DENND5B: variants seen among roughly 807,000 people sequenced by gnomAD.
The protein encoded by DENND5B is DENN domain-containing protein 5B.
In DENND5B, 34 loss-of-function variants were observed where a neutral mutation model predicts 140.6. The observed-to-expected ratio is 0.24, with a 90% CI of 0.18 to 0.32. The LOEUF (loss-of-function observed/expected upper bound fraction) is 0.32. Among genes scored for constraint, DENND5B ranks in the 10% least tolerant of loss-of-function variants. The probability of loss-of-function intolerance (pLI) is 1.00; values close to 1 mark genes in which losing one functional copy is unlikely to be tolerated. For missense variants in DENND5B, 1,142 were observed against 1,560.2 expected (o/e 0.73, Z 4.52); for synonymous variants, 551 against 562.1 (o/e 0.98, Z 0.28).
chr12:31,561,514 T>C (rs1288574893), intron 1 of DENND5B, among the ~76,000 whole-genome samples: 1 of 152,142 alleles, frequency 6.6e-6, no homozygotes, highest in Non-Finnish European at 1.5e-5. Flanking sequence ...CAACAGTTCA[T>C]CTCTAGGAAA....
chr12:31,445,117 G>C (rs1944220034), intron 6 of DENND5B, among the ~76,000 whole-genome samples: 1 of 152,196 alleles, frequency 6.6e-6, no homozygotes, highest in Non-Finnish European at 1.5e-5. Flanking sequence ...CATTTGAAGG[G>C]AAAGAAATAA....
intron 1 of DENND5B, among the ~76,000 whole-genome samples, chr12:31,527,774 T>C (rs999061800): frequency 2.6e-5 from 4 of 151,612 alleles, no homozygotes; most frequent in African/African-American, 9.7e-5. Flanking sequence ...CAAGACTCCA[T>C]TTGGGGAAAA....
At chr12:31,474,178 C>A (rs1239219258) in intron 3 of DENND5B, among the ~76,000 whole-genome samples, 1 of 152,192 alleles carries the variant, frequency 6.6e-6, no homozygotes, top group Non-Finnish European at 1.5e-5. Flanking sequence ...ACTGCAAAGG[C>A]ACACAGGCAT....
intron 4 of DENND5B, among the ~76,000 whole-genome samples, chr12:31,458,111 T>C (rs1944865520): frequency 6.6e-6 from 1 of 151,804 alleles, no homozygotes; most frequent in Non-Finnish European, 1.5e-5. Context: ...GTTGATCTCA[T>C]TAATGAAAAA....
rs375001828 is a variant in DENND5B at position 31,495,823 on chromosome 12, T to C, written c.224A>G (p.Asp75Gly). 2 of 1,609,278 alleles carry C rather than the reference T, an allele frequency of 1.2e-6. No homozygotes were observed. The highest frequency in any genetic ancestry group is 1.7e-5 in the Admixed American group (1 of 59,144). Residue 75 changes from aspartate (D) to glycine (G), a missense_variant, in exon 2 of 21, where the codon GAT (aspartate) becomes GGT (glycine). Physicochemically the swap from Asp to Gly is moderately conservative, Grantham distance 94. This residue lies in a region of DENND5B where 708 missense variants were observed against 905.5 expected (regional missense o/e 0.78). Coordinates refer to ENST00000389082, the MANE Select transcript of DENND5B (RefSeq NM_144973.4). ...AAAAACACATACCATGTTCACCGCA[T>C]CTTGATCAAAAGGGTTCCATTCTAT... ...QNIEWNPFDQ[D>G]AVNMLCMPKG...
intron 1 of DENND5B, chr12:31,499,669 A>G: frequency 6.7e-6 from 10 of 1,484,844 alleles, no homozygotes; most frequent in Non-Finnish European, 8.9e-6. Context: ...CATTGGTACA[A>G]AACTACATAA....
At chr12:31,585,677 T>C (rs548168164) in intron 1 of DENND5B, among the ~76,000 whole-genome samples, 32 of 152,312 alleles carry the variant, frequency 2.1e-4, no homozygotes, top group African/African-American at 7.5e-4. Context: ...CTAAGGTCCC[T>C]TCAAGAACTA....
chr12:31,439,354 A>G (rs1295538615), intron 7 of DENND5B, among the ~76,000 whole-genome samples: 1 of 152,320 alleles, frequency 6.6e-6, no homozygotes, highest in Non-Finnish European at 1.5e-5. Context: ...TATATAAGGC[A>G]AAAGCAAGAA....
intron 2 of DENND5B, among the ~76,000 whole-genome samples, chr12:31,486,899 T>C (rs376593062): frequency 1.8e-4 from 27 of 152,350 alleles, no homozygotes; most frequent in South Asian, 6.2e-4. Context: ...TAAACATATG[T>C]ACATTATATA....
intron 3 of DENND5B, among the ~76,000 whole-genome samples, chr12:31,475,325 T>C (rs1188185127): frequency 2.1e-5 from 3 of 145,320 alleles, no homozygotes; most frequent in Non-Finnish European, 4.5e-5. Context: ...TTCACTCTGT[T>C]GTTCTCGGCA....
In DENND5B at chr12:31,458,102, T is replaced by C. The variant is rs985433397; in HGVS notation, c.1092+2092A>G. ...GAGTATACGTATTTATTAAGCAGTG[T>C]TGATCTCATTAATGAAAAATTAGAA... On this transcript the variant is annotated intron_variant, in intron 4 of 20. Coordinates refer to ENST00000389082, the MANE Select transcript of DENND5B (RefSeq NM_144973.4). 5.9e-5 allele frequency among the ~76,000 whole-genome samples: 9 copies of C among 152,298 alleles called. No homozygotes were observed. In the South Asian group the frequency reaches 1.7e-3, roughly 28 times the overall value.
At chr12:31,454,552 T>A (rs913860881) in intron 4 of DENND5B, among the ~76,000 whole-genome samples, 1 of 151,536 alleles carries the variant, frequency 6.6e-6, no homozygotes, top group Non-Finnish European at 1.5e-5. Context: ...CGAGCAATTG[T>A]CTGCCTCAGC....
At chr12:31,588,535 A>AT (rs777595913) in intron 1 of DENND5B, among the ~76,000 whole-genome samples, 10 of 152,354 alleles carry the variant, frequency 6.6e-5, no homozygotes, top group Non-Finnish European at 1.0e-4. Flanking sequence ...ACAATACAGT[A>AT]TAACAACTAT....
intron 1 of DENND5B, among the ~76,000 whole-genome samples, chr12:31,539,041 A>G (rs1948603782): frequency 6.6e-6 from 1 of 151,988 alleles, no homozygotes; most frequent in South Asian, 2.1e-4. Context: ...AAAACCAGAG[A>G]TAAAGAAGGA....
Position 31,519,237 on chromosome 12 carries a change from G to A in DENND5B, c.128-23318C>T, listed in dbSNP as rs552940747. Among the ~76,000 whole-genome samples, 13 of 152,312 alleles carry A rather than the reference G, an allele frequency of 8.5e-5. No homozygotes were observed. In the South Asian group the frequency reaches 2.7e-3, roughly 32 times the overall value. On this transcript the variant is annotated intron_variant, in intron 1 of 20. Transcript: ENST00000389082. ...ATGGTAGCAAATGGTAAAGAAATTA[G>A]ATTTGCATCCTTTGCTACTCTCTGA...
intron 1 of DENND5B, among the ~76,000 whole-genome samples, chr12:31,549,907 T>A (rs1948984209): frequency 6.6e-6 from 1 of 152,188 alleles, no homozygotes; most frequent in African/African-American, 2.4e-5. Flanking sequence ...CTGCAGATAG[T>A]GCTTCAATGA....
chr12:31,507,624 G>GA (rs979976840), intron 1 of DENND5B, among the ~76,000 whole-genome samples: 2 of 151,364 alleles, frequency 1.3e-5, no homozygotes, highest in African/African-American at 2.4e-5. Flanking sequence ...TTTGAAGTGA[G>GA]AAAAAAAAAT....
In DENND5B at chr12:31,398,381, A is replaced by C; in HGVS notation, c.3069-19T>G. 1.3e-6 allele frequency: 2 copies of C among 1,520,022 alleles called. No individual in the cohort carries two copies. Among genetic ancestry groups the C allele is most frequent in the Non-Finnish European group, 1.8e-6 (2 of 1,136,092 alleles). The allele number at this position is 1,520,022 out of a possible 1,614,324, so 94.2% of individuals were successfully genotyped here. A position where few individuals can be genotyped will look rare whatever the true frequency, so the allele number is the denominator to read the frequency against. ...TGGGAATCTGGTAGGACAGAAAACA[A>C]GTTTTTTATTTTTTATTTTTTTGAG... On this transcript the variant is annotated intron_variant, in intron 16 of 20. Coordinates refer to ENST00000389082, the MANE Select transcript of DENND5B (RefSeq NM_144973.4).
intron 1 of DENND5B, among the ~76,000 whole-genome samples, chr12:31,582,133 G>C (rs1386253516): frequency 6.6e-6 from 1 of 152,202 alleles, no homozygotes; most frequent in African/African-American, 2.4e-5. Context: ...ATGGAGGGCT[G>C]ACTATACATG....
Sources: allele counts gnomAD v4.1 joint callset (sites outside exome capture counted in the v4.1 genomes callset), GRCh38; gene constraint gnomAD v4.1.1; regional missense constraint gnomAD v4.1.1; transcripts MANE v1.5; gene names NCBI Gene and HGNC (gene_info 2026-07-23, HGNC 2026-07-21).